The following APBB2 variants were observed in gnomAD, a reference collection of about 807,000 sequenced individuals.
APBB2 encodes the protein amyloid beta precursor protein binding family B member 2.
APBB2 carries 38 observed loss-of-function variants against 82.5 expected under a neutral mutation model. That is an observed-to-expected ratio of 0.46 (90% CI 0.36 to 0.60). The LOEUF (loss-of-function observed/expected upper bound fraction) is 0.60, where lower values mean the gene tolerates loss of function less well. APBB2 is among the 20% of genes least tolerant of loss of function. The pLI, the probability that APBB2 is intolerant of heterozygous loss-of-function variation, is 0.00. For missense variants in APBB2, 772 were observed against 972.3 expected, an observed-to-expected ratio of 0.79 and a Z score of 2.74; for synonymous variants, 341 against 368.2, an observed-to-expected ratio of 0.93 and a Z score of 0.85.
At chr4:41,089,557 T>A (rs1327043191) in intron 3 of APBB2, among the ~76,000 whole-genome samples, 1 of 152,224 alleles carries the variant, frequency 6.6e-6, no homozygotes, top group African/African-American at 2.4e-5. Context: ...ATACACTTCA[T>A]GTTTATCCTA....
intron 12 of APBB2, among the ~76,000 whole-genome samples, chr4:40,885,000 A>G (rs1350466319): frequency 6.6e-6 from 1 of 152,274 alleles, no homozygotes; most frequent in Admixed American, 6.5e-5. Context: ...CATCAAAACC[A>G]GAAAAGAAAG....
chr4:41,149,325 C>T (rs1209002458), intron 1 of APBB2, among the ~76,000 whole-genome samples: 5 of 151,972 alleles, frequency 3.3e-5, no homozygotes, highest in Admixed American at 3.3e-4. Context: ...TCAAGTTCAA[C>T]TTTAACATGC....
intron 3 of APBB2, among the ~76,000 whole-genome samples, chr4:41,079,876 C>T (rs187307088): frequency 6.6e-6 from 1 of 152,148 alleles, no homozygotes; most frequent in Admixed American, 6.5e-5. Context: ...TTAGTTTCTA[C>T]CATTAGCCAA....
At chr4:40,992,244 C>T (rs1330988322) in intron 6 of APBB2, among the ~76,000 whole-genome samples, 2 of 152,050 alleles carry the variant, frequency 1.3e-5, no homozygotes, top group African/African-American at 2.4e-5. Flanking sequence ...ATAATTATAG[C>T]CTTGACCACC....
In APBB2 at chr4:40,832,013, T is replaced by TATATACACAC. The variant is rs777910826; in HGVS notation, c.1530-1437_1530-1436insGTGTGTATAT. Among the ~76,000 whole-genome samples, 266 of 138,976 alleles carry TATATACACAC rather than the reference T, an allele frequency of 1.9e-3. 2 individuals are homozygous for TATATACACAC. Among genetic ancestry groups the TATATACACAC allele is most frequent in the East Asian group, 7.6e-3 (37 of 4,882 alleles). The allele number at this position is 138,976 out of a possible 152,430, so 91.2% of individuals were successfully genotyped here. On this transcript the variant is annotated intron_variant, in intron 12 of 17. Transcript: ENST00000508593. The surrounding 1 kb of genome is among the most constrained non-coding windows in gnomAD (Gnocchi z 4.8). The stretch of plus-strand genomic sequence containing the variant: ...ACACATATTTATATATTTATTTATA[T>TATATACACAC]ACACACACACACACACACACACACA...
At chr4:40,907,377 A>ATT (rs1777245642) in intron 10 of APBB2, among the ~76,000 whole-genome samples, 2 of 28,284 alleles carry the variant, frequency 7.1e-5, no homozygotes, top group African/African-American at 3.8e-4. Context: ...ATATATATAT[A>ATT]TATTTTTTTT....
Position 40,816,082 on chromosome 4 carries a change from G to C in APBB2, c.*10C>G, listed in dbSNP as rs1234230414. 1 of 1,609,552 alleles carries C rather than the reference G, an allele frequency of 6.2e-7. No individual in the cohort carries two copies. Among genetic ancestry groups the C allele is most frequent in the Non-Finnish European group, 8.5e-7 (1 of 1,176,262 alleles). ...TTCAGGTAAATAGCCGAGTCCTTTT[G>C]CATGTGCAGCTATGGCATTTCGGTG... On this transcript the variant is annotated 3_prime_UTR_variant, in exon 18 of 18. Coordinates refer to ENST00000508593, the MANE Select transcript of APBB2 (RefSeq NM_004307.2).
At chr4:41,084,680 T>C (rs1436691579) in intron 3 of APBB2, 3 of 152,190 alleles carry the variant, frequency 2.0e-5, no homozygotes, top group Non-Finnish European at 2.9e-5. Flanking sequence ...TGCACAAGGA[T>C]GACATGCAAA....
rs1171337635 is a variant in APBB2, at chr4:40,982,279, AAAGAAGGAAGGAAG to A, written c.835+31290_835+31303del. The stretch of plus-strand genomic sequence containing the variant: ...GAAAGAAAGAAAGAAAGAAAGAAAG[AAAGAAGGAAGGAAG>A]GAAGGAAGGAAGGAAAGAAAGAAAG... On this transcript the variant is annotated intron_variant, in intron 6 of 17. Transcript: ENST00000508593. Among the ~76,000 whole-genome samples, 83 of 40,656 alleles carry A rather than the reference AAAGAAGGAAGGAAG, an allele frequency of 2.0e-3. 10 individuals are homozygous for A. The highest frequency in any genetic ancestry group is 9.7e-3 in the African/African-American group (79 of 8,148). The allele number at this position is 40,656 out of a possible 152,430, so 26.7% of individuals were successfully genotyped here.
At chr4:41,162,567 G>A (rs185978594) in intron 1 of APBB2, among the ~76,000 whole-genome samples, 1 of 152,210 alleles carries the variant, frequency 6.6e-6, no homozygotes, top group Non-Finnish European at 1.5e-5. Context: ...TAATTTAAGA[G>A]AACAGGCAAG....
At chr4:41,045,246 T>C (rs1189331449) in intron 4 of APBB2, among the ~76,000 whole-genome samples, 1 of 152,196 alleles carries the variant, frequency 6.6e-6, no homozygotes, top group Non-Finnish European at 1.5e-5. Context: ...TGTAATAATC[T>C]CTTTTAATTA....
At chr4:40,883,828 C>T (rs1769423349) in intron 12 of APBB2, among the ~76,000 whole-genome samples, 2 of 152,114 alleles carry the variant, frequency 1.3e-5, no homozygotes, top group African/African-American at 4.8e-5. Flanking sequence ...CTATGAAGAG[C>T]TGGGCTGTGC....
chr4:41,187,988 C>T (rs16852891), intron 1 of APBB2, among the ~76,000 whole-genome samples: 2,887 of 152,320 alleles, frequency 0.019, 86 homozygotes, highest in African/African-American at 0.067. Context: ...CTCCTTAACT[C>T]TTTCCAATAC....
At chr4:40,848,951 A>C (rs1758471882) in intron 12 of APBB2, 1 of 977,318 alleles carries the variant, frequency 1.0e-6, no homozygotes, top group Non-Finnish European at 1.2e-6. Context: ...AAGAAAGTAA[A>C]GCTCATGCGA....
At chr4:41,147,985 A>G (rs1761262682) in intron 1 of APBB2, among the ~76,000 whole-genome samples, 1 of 152,188 alleles carries the variant, frequency 6.6e-6, no homozygotes, top group Non-Finnish European at 1.5e-5. Context: ...TTTTTATTAT[A>G]AAAATTAGAT....
intron 2 of APBB2, among the ~76,000 whole-genome samples, chr4:41,112,461 C>G (rs771876848): frequency 1.3e-5 from 2 of 152,238 alleles, no homozygotes; most frequent in Non-Finnish European, 2.9e-5. Flanking sequence ...GGCCTGGCAG[C>G]GCCCTGCACA....
chr4:41,020,590 C>G lies in APBB2; in HGVS notation c.20-6192G>C, dbSNP rs567468035. 3.3e-5 allele frequency among the ~76,000 whole-genome samples: 5 copies of G among 152,270 alleles called. No individual in the cohort carries two copies. The East Asian group carries it at 9.6e-4, about 29-fold the overall frequency. On this transcript the variant is annotated intron_variant, in intron 5 of 17. Coordinates refer to ENST00000508593, the MANE Select transcript of APBB2 (RefSeq NM_004307.2). ...GAGATCTTATTAATAGCAAAGAACC[C>G]AGGGCGTTCAGTCCATATTAACTTA...
intron 4 of APBB2, among the ~76,000 whole-genome samples, chr4:41,064,064 C>T (rs890535097): frequency 7.6e-5 from 11 of 143,880 alleles, no homozygotes; most frequent in Admixed American, 4.2e-4. Context: ...CTGCAAGCTC[C>T]GCTTCCCGGG....
chr4:41,128,296 G>C (rs1402772898), intron 2 of APBB2, among the ~76,000 whole-genome samples: 3 of 152,152 alleles, frequency 2.0e-5, no homozygotes, highest in Non-Finnish European at 4.4e-5. Context: ...TGGAGCAAAG[G>C]AACACTTCTA....
Sources: allele counts gnomAD v4.1 joint callset (sites outside exome capture counted in the v4.1 genomes callset), GRCh38; gene constraint gnomAD v4.1.1; non-coding constraint Gnocchi (gnomAD v3.1); transcripts MANE v1.5; gene names NCBI Gene and HGNC (gene_info 2026-07-23, HGNC 2026-07-21).